PSD3: variants seen among roughly 807,000 people sequenced by gnomAD.
PSD3 encodes the protein pleckstrin and Sec7 domain containing 3.
PSD3 carries 49 observed loss-of-function variants against 105.5 expected under a neutral mutation model. The ratio of observed to expected loss-of-function variants is 0.46; its 90% CI spans 0.37 to 0.59. PSD3 has a LOEUF of 0.59. Among genes scored for constraint, PSD3 ranks in the 20% least tolerant of loss-of-function variants. The pLI, the probability that PSD3 is intolerant of heterozygous loss-of-function variation, is 0.00. For missense variants in PSD3, 1,561 were observed against 1,263.8 expected, an observed-to-expected ratio of 1.24 and a Z score of -3.57; for synonymous variants, 557 against 457.8, an observed-to-expected ratio of 1.22 and a Z score of -2.77.
intron 8 of PSD3, among the ~76,000 whole-genome samples, 183 bp from the exon 9 acceptor site, chr8:18,765,721 T>TA (rs962495998): frequency 5.9e-5 from 9 of 151,994 alleles, no homozygotes; most frequent in African/African-American, 1.7e-4. Context: ...GGTCAGGAGA[T>TA]AGAGACCATC....
In PSD3 at chr8:18,742,367, A is replaced by G. The variant is rs901416697; in HGVS notation, c.2172+23082T>C. The stretch of plus-strand genomic sequence containing the variant: ...CGTAACCTGTATACACTTAAATTAG[A>G]ATGGTCAGGCTGAGTTCTCTAGTAA... On this transcript the variant is annotated intron_variant, in intron 9 of 15. Transcript: ENST00000327040. Among the ~76,000 whole-genome samples the G allele has an allele frequency of 3.9e-5, 6 of 152,190 alleles. No individual in the cohort carries two copies. In the East Asian group the frequency reaches 9.6e-4, roughly 24 times the overall value.
intron 9 of PSD3, among the ~76,000 whole-genome samples, chr8:18,661,494 C>CA (rs1809344412): frequency 6.6e-6 from 1 of 152,144 alleles, no homozygotes; most frequent in African/African-American, 2.4e-5. Context: ...TAGAAAAACT[C>CA]AAAATACTTT....
intron 4 of PSD3, among the ~76,000 whole-genome samples, chr8:18,811,552 G>A (rs1037246343): frequency 1.3e-5 from 2 of 152,160 alleles, no homozygotes; most frequent in African/African-American, 4.8e-5. Flanking sequence ...GATAGAAGAG[G>A]AACCCTAATT....
At chr8:18,563,110 G>C (rs1801502824) in intron 14 of PSD3, among the ~76,000 whole-genome samples, 1 of 151,988 alleles carries the variant, frequency 6.6e-6, no homozygotes, top group Non-Finnish European at 1.5e-5. Context: ...AGGCAAAAAA[G>C]GTCACTTTTT....
At chr8:18,594,313 T>TATATATAATAAATATTATTA (rs1554519080) in intron 12 of PSD3, among the ~76,000 whole-genome samples, 11 of 4,780 alleles carry the variant, frequency 2.3e-3, no homozygotes, top group African/African-American at 4.7e-3. Flanking sequence ...ATATATATTA[T>TATATATAATAAATATTATTA]TATATATAAT....
chr8:18,766,206 C>T (rs961392186), intron 8 of PSD3, among the ~76,000 whole-genome samples: 16 of 151,844 alleles, frequency 1.1e-4, no homozygotes, highest in South Asian at 4.2e-4. Context: ...TGGTGGCAGG[C>T]GCCTGTAGTC....
chr8:18,616,421 T>C (rs1449333195), intron 11 of PSD3, among the ~76,000 whole-genome samples: 3 of 152,206 alleles, frequency 2.0e-5, no homozygotes, highest in Non-Finnish European at 4.4e-5. Context: ...TCTGTATTGA[T>C]GGTGGCCAGG....
chr8:18,965,468 G>A (rs1275134451), intron 1 of PSD3, among the ~76,000 whole-genome samples: 1 of 152,210 alleles, frequency 6.6e-6, no homozygotes, highest in Non-Finnish European at 1.5e-5. Context: ...CGGCGGGGGT[G>A]ACAGTGACAG....
intron 10 of PSD3, among the ~76,000 whole-genome samples, chr8:18,637,792 T>G (rs960332101): frequency 6.6e-6 from 1 of 152,188 alleles, no homozygotes; most frequent in Non-Finnish European, 1.5e-5. Context: ...ACTGCCAGTC[T>G]CTCATAGATC....
chr8:18,618,604 C>CAGA, intron 11 of PSD3, among the ~76,000 whole-genome samples: 1 of 140,896 alleles, frequency 7.1e-6, no homozygotes, highest in Non-Finnish European at 1.7e-5. Flanking sequence ...TGGATTCCTT[C>CAGA]TATGTACCAG....
intron 11 of PSD3, among the ~76,000 whole-genome samples, chr8:18,613,266 A>G (rs13262926): frequency 0.075 from 11,363 of 152,066 alleles, 557 homozygotes; most frequent in South Asian, 0.15. Context: ...CTTTTCCCCA[A>G]ATGATTCTTT....
At chr8:19,007,049 G>A (rs1217121930) in intron 1 of PSD3, among the ~76,000 whole-genome samples, 1 of 152,056 alleles carries the variant, frequency 6.6e-6, no homozygotes, top group Non-Finnish European at 1.5e-5. Flanking sequence ...GAGGTCAGGA[G>A]TTTGAGACCA....
intron 12 of PSD3, among the ~76,000 whole-genome samples, chr8:18,592,634 G>C (rs1275960192): frequency 6.6e-6 from 1 of 152,108 alleles, no homozygotes; most frequent in African/African-American, 2.4e-5. Context: ...GTATTTCTCA[G>C]CATAAATGAT....
chr8:18,957,365 G>A (rs545685201), intron 1 of PSD3, among the ~76,000 whole-genome samples: 3 of 71,514 alleles, frequency 4.2e-5, no homozygotes, highest in East Asian at 5.9e-4. Flanking sequence ...ACAAGACTCC[G>A]TCTCAAAAAA....
intron 2 of PSD3, among the ~76,000 whole-genome samples, chr8:18,898,409 G>A (rs1015979740): frequency 3.9e-5 from 6 of 152,018 alleles, no homozygotes; most frequent in African/African-American, 1.5e-4. Context: ...ATCTGATATA[G>A]GAATGACTAC....
At chr8:18,591,939 G>C (rs751553270) in intron 12 of PSD3, among the ~76,000 whole-genome samples, 1 of 152,158 alleles carries the variant, frequency 6.6e-6, no homozygotes, top group African/African-American at 2.4e-5. Flanking sequence ...TGACTGGTGA[G>C]GGGCTTCTGC....
At chr8:18,597,110 C>CATA (rs201311155) in intron 12 of PSD3, among the ~76,000 whole-genome samples, 1 of 39,592 alleles carries the variant, frequency 2.5e-5, no homozygotes. Flanking sequence ...TTAAAAGGAT[C>CATA]TACAACTATC....
intron 1 of PSD3, among the ~76,000 whole-genome samples, chr8:19,004,265 C>T (rs1449473975): frequency 2.6e-5 from 4 of 152,014 alleles, no homozygotes; most frequent in African/African-American, 9.7e-5. Flanking sequence ...CTCAAGTCTG[C>T]AGAGCTTTGT....
chr8:19,012,846 G>A (rs1029674270), intron 1 of PSD3, among the ~76,000 whole-genome samples: 2 of 152,134 alleles, frequency 1.3e-5, no homozygotes, highest in African/African-American at 2.4e-5. Flanking sequence ...CCCGCTATCG[G>A]GAGAACCAGT....
Sources: allele counts gnomAD v4.1 joint callset (sites outside exome capture counted in the v4.1 genomes callset), GRCh38; gene constraint gnomAD v4.1.1; transcripts MANE v1.5; gene names NCBI Gene and HGNC (gene_info 2026-07-23, HGNC 2026-07-21).